Variants in DAPK1 observed in about 807,000 individuals in gnomAD.
DAPK1 encodes death-associated protein kinase 1.
DAPK1 carries 56 observed loss-of-function variants against 144.9 expected under a neutral mutation model. That is an observed-to-expected ratio of 0.39 (90% CI 0.31 to 0.48). DAPK1 has a LOEUF of 0.48. Ranked by LOEUF, DAPK1 falls within the 20% of genes least tolerant of loss-of-function variation. The pLI, the probability that DAPK1 is intolerant of heterozygous loss-of-function variation, is 0.95. For synonymous variants in DAPK1, 690 were observed against 749.0 expected (o/e 0.92, Z 1.29); for missense variants, 1,454 against 1,875.4 (o/e 0.78, Z 4.15).
intron 2 of DAPK1, among the ~76,000 whole-genome samples, chr9:87,537,916 C>T (rs1457923787): frequency 6.6e-6 from 1 of 152,112 alleles, no homozygotes; most frequent in Admixed American, 6.5e-5. Flanking sequence ...ACAATGTGCT[C>T]TCATTTACAA....
intron 2 of DAPK1, among the ~76,000 whole-genome samples, chr9:87,598,486 T>A: frequency 6.6e-6 from 1 of 152,204 alleles, no homozygotes; most frequent in Non-Finnish European, 1.5e-5. Flanking sequence ...GTCACTTTTT[T>A]TTTTGATCTG....
intron 2 of DAPK1, among the ~76,000 whole-genome samples, chr9:87,581,307 C>T (rs745312461): frequency 2.0e-5 from 3 of 152,078 alleles, no homozygotes; most frequent in African/African-American, 4.8e-5. Flanking sequence ...TGGCACCTGG[C>T]TAGGCGTTAC....
chr9:87,629,297 T>C (rs542127526), intron 3 of DAPK1, among the ~76,000 whole-genome samples: 1 of 152,268 alleles, frequency 6.6e-6, no homozygotes, highest in South Asian at 2.1e-4. Context: ...AATGCTCGTC[T>C]ACAAGCCCAG....
At chr9:87,503,261 A>ATG (rs1190297945) in intron 2 of DAPK1, among the ~76,000 whole-genome samples, 2 of 151,558 alleles carry the variant, frequency 1.3e-5, no homozygotes, top group African/African-American at 4.9e-5. Flanking sequence ...GTGTGTGTAT[A>ATG]TGTATATATA....
intron 2 of DAPK1, among the ~76,000 whole-genome samples, chr9:87,510,983 G>A (rs1482923995): frequency 1.3e-5 from 2 of 152,196 alleles, no homozygotes; most frequent in Admixed American, 6.5e-5. Flanking sequence ...GAGCAGGAAC[G>A]GGAGAGAGAG....
chr9:87,690,330 T>A (rs1000904989), intron 21 of DAPK1, among the ~76,000 whole-genome samples: 7 of 152,152 alleles, frequency 4.6e-5, no homozygotes, highest in South Asian at 2.1e-4. Flanking sequence ...ATAGAAAGGC[T>A]ACTGATTTTT....
intron 2 of DAPK1, among the ~76,000 whole-genome samples, chr9:87,575,278 A>AAAAT (rs1827514626): frequency 6.6e-6 from 1 of 150,972 alleles, no homozygotes; most frequent in Non-Finnish European, 1.5e-5. Flanking sequence ...AAATAAAGGT[A>AAAAT]AAAGGCAAGA....
At position 87,668,439 on chromosome 9, in the gene DAPK1, A is replaced by G. The variant is rs1831133263; in HGVS notation, c.1924-158A>G. The G allele has an allele frequency of 4.5e-6, 3 of 659,948 alleles. No individual in the cohort carries two copies. In the South Asian group the frequency reaches 5.2e-5, roughly 11 times the overall value. The allele number at this position is 659,948 out of a possible 1,614,324, so 40.9% of individuals were successfully genotyped here. A position where few individuals can be genotyped will look rare whatever the true frequency, so the allele number is the denominator to read the frequency against. On this transcript the variant is annotated intron_variant, in intron 18 of 25. Transcript: ENST00000408954. ...GACAATCAAGTGAAATAAGGATTGCACAGCCAGAGAAACACACCGAGACGT... is the reference window on the plus strand; with the variant it reads ...GACAATCAAGTGAAATAAGGATTGCGCAGCCAGAGAAACACACCGAGACGT...
intron 2 of DAPK1, among the ~76,000 whole-genome samples, chr9:87,534,650 C>G (rs1413408819): frequency 6.9e-6 from 1 of 145,396 alleles, no homozygotes; most frequent in Non-Finnish European, 1.5e-5. Flanking sequence ...GATTTCTTTT[C>G]TTTTTTTTTT....
intron 2 of DAPK1, among the ~76,000 whole-genome samples, chr9:87,580,909 T>G (rs1036892227): frequency 6.6e-6 from 1 of 152,184 alleles, no homozygotes; most frequent in Admixed American, 6.5e-5. Flanking sequence ...GTTTGATCAT[T>G]ATTTTAACGT....
chr9:87,587,194 C>CG, intron 2 of DAPK1, among the ~76,000 whole-genome samples: 1 of 152,328 alleles, frequency 6.6e-6, no homozygotes, highest in East Asian at 1.9e-4. Flanking sequence ...GGAAACTCTC[C>CG]GCCATGTTCT....
rs190326909 is a variant in DAPK1 at position 87,558,479 on chromosome 9, T to C, written c.63-46475T>C. 2.7e-5 allele frequency among the ~76,000 whole-genome samples: 4 copies of C among 149,218 alleles called. 1 individual carries two copies. Among genetic ancestry groups the C allele is most frequent in the Admixed American group, 2.0e-4 (3 of 14,772 alleles). On this transcript the variant is annotated intron_variant, in intron 2 of 25. Transcript: ENST00000408954. ...AATACAGGATCTCAGAATCACTTGA[T>C]AATATGCTCCACATACATAAGTACA... is the stretch of plus-strand genomic sequence containing the variant.
intron 19 of DAPK1, among the ~76,000 whole-genome samples, chr9:87,672,955 G>T (rs758534207): frequency 3.9e-5 from 6 of 152,096 alleles, no homozygotes; most frequent in African/African-American, 1.4e-4. Context: ...GTACATGATC[G>T]GGGAGGGGAA....
At chr9:87,611,625 T>A (rs1231983050) in intron 3 of DAPK1, among the ~76,000 whole-genome samples, 2 of 152,134 alleles carry the variant, frequency 1.3e-5, no homozygotes, top group Non-Finnish European at 2.9e-5. Flanking sequence ...CACTCAGCTA[T>A]TTTTTATTTT....
At chr9:87,568,601 G>A (rs1347655950) in intron 2 of DAPK1, among the ~76,000 whole-genome samples, 2 of 152,192 alleles carry the variant, frequency 1.3e-5, no homozygotes, top group Non-Finnish European at 2.9e-5. Context: ...ATGCAGTGTG[G>A]GTGGCGTCAC....
chr9:87,646,894 GT>G (rs36213059), intron 13 of DAPK1, among the ~76,000 whole-genome samples: 16,365 of 152,288 alleles, frequency 0.11, 1,013 homozygotes, highest in East Asian at 0.17. Context: ...TCAGAAATTT[GT>G]TTGCCTGCTT....
intron 25 of DAPK1, among the ~76,000 whole-genome samples, chr9:87,705,865 AT>A (rs34344016): frequency 0.17 from 25,865 of 150,600 alleles, 3,908 homozygotes; most frequent in African/African-American, 0.41. Context: ...GCCATCTCCC[AT>A]TTTTTTTTCT....
rs1242283926 is a variant in DAPK1, at chr9:87,700,224, G to C, written c.2858G>C (p.Ser953Thr). 1 of 1,611,722 alleles carries C rather than the reference G, an allele frequency of 6.2e-7. No homozygotes were observed. The highest frequency in any genetic ancestry group is 8.5e-7 in the Non-Finnish European group (1 of 1,177,936). ...CGAAATCATCTGCAAGAAATACGAA[G>C]CCAGATTGTTTCGGTAAGTACACCA... ...VLRNHLQEIR[S>T]QIVSVCPPMT... Residue 953 changes from serine (S) to threonine (T), a missense_variant, in exon 24 of 26, where the codon AGC becomes ACC. Transcript: ENST00000408954.
intron 3 of DAPK1, among the ~76,000 whole-genome samples, chr9:87,622,598 C>T (rs918930294): frequency 6.6e-6 from 1 of 152,144 alleles, no homozygotes; most frequent in African/African-American, 2.4e-5. Flanking sequence ...TTATATTCCA[C>T]ATAATGCTTC....
Sources: allele counts gnomAD v4.1 joint callset (sites outside exome capture counted in the v4.1 genomes callset), GRCh38; gene constraint gnomAD v4.1.1; transcripts MANE v1.5; gene names NCBI Gene and HGNC (gene_info 2026-07-23, HGNC 2026-07-21).